SAMD7: variants seen among roughly 807,000 people sequenced by gnomAD.
SAMD7 encodes sterile alpha motif domain containing 7, also known as sterile alpha motif domain-containing protein 7.
A neutral mutation model predicts 36.7 loss-of-function variants in SAMD7; 34 were observed. That is an observed-to-expected ratio of 0.93 (90% confidence interval 0.71 to 1.23). The LOEUF (loss-of-function observed/expected upper bound fraction) is 1.23, where lower values mean the gene tolerates loss of function less well. SAMD7 is among the 50% of genes most tolerant of loss of function. SAMD7 has a pLI of 0.00. For missense variants in SAMD7, 570 were observed against 546.6 expected, an observed-to-expected ratio of 1.04 and a Z score of -0.43; for synonymous variants, 188 against 189.7, an observed-to-expected ratio of 0.99 and a Z score of 0.07.
At chr3:169,918,414 T>C (rs898042775) in intron 2 of SAMD7, among the ~76,000 whole-genome samples, 9 of 152,240 alleles carry the variant, frequency 5.9e-5, no homozygotes, top group African/African-American at 2.2e-4. Context: ...TTCTACTCTC[T>C]GTCTCAGAGT....
At chr3:169,934,196 G>T (rs769036021) in intron 7 of SAMD7, among the ~76,000 whole-genome samples, 1 of 152,162 alleles carries the variant, frequency 6.6e-6, no homozygotes, top group African/African-American at 2.4e-5. Context: ...GGCATGGTTA[G>T]CTTTATATTG....
Position 169,927,194 on chromosome 3 carries a change from G to A in SAMD7, c.919+13G>A. On this transcript the variant is annotated intron_variant, in intron 6 of 8. Coordinates refer to ENST00000335556, the MANE Select transcript of SAMD7 (RefSeq NM_001304366.2). The stretch of plus-strand genomic sequence containing the variant: ...CCATCTCTGCCAGGTGGGTGTCCAG[G>A]GGCCAATGGCAGATCCTCATTAACT... The A allele has an allele frequency of 6.6e-7, 1 of 1,517,656 alleles. No homozygotes were observed. The highest frequency in any genetic ancestry group is 2.3e-5 in the East Asian group (1 of 44,162). The allele number at this position is 1,517,656 out of a possible 1,614,324, so 94.0% of individuals were successfully genotyped here.
intron 4 of SAMD7, among the ~76,000 whole-genome samples, chr3:169,924,586 C>CA (rs1414834362): frequency 1.3e-5 from 2 of 149,922 alleles, no homozygotes; most frequent in Non-Finnish European, 3.0e-5. Flanking sequence ...GACTCTGTCT[C>CA]AAAAAAAAGG....
intron 1 of SAMD7, among the ~76,000 whole-genome samples, chr3:169,914,964 C>A (rs1712736149): frequency 6.6e-6 from 1 of 152,204 alleles, no homozygotes; most frequent in South Asian, 2.1e-4. Flanking sequence ...TCTTCTTGGC[C>A]TCCTTCTGAA....
chr3:169,924,002 C>T (rs1384769957), intron 4 of SAMD7, among the ~76,000 whole-genome samples: 1 of 152,158 alleles, frequency 6.6e-6, no homozygotes, highest in Non-Finnish European at 1.5e-5. Context: ...GTATTGTGCT[C>T]TCTAGACTGG....
chr3:169,916,855 T>C (rs1290622961), intron 2 of SAMD7, among the ~76,000 whole-genome samples: 2 of 152,158 alleles, frequency 1.3e-5, no homozygotes, highest in Non-Finnish European at 2.9e-5. Flanking sequence ...GTGCACCGAA[T>C]CCCATGAGGA....
chr3:169,913,272 G>A (rs1205389433), intron 1 of SAMD7, among the ~76,000 whole-genome samples: 1 of 152,056 alleles, frequency 6.6e-6, no homozygotes, highest in African/African-American at 2.4e-5. Flanking sequence ...CATACGATTA[G>A]TCAAATATAG....
rs369586737 is a variant in SAMD7 at position 169,938,279 on chromosome 3, T to A, written c.1153-39T>A. The A allele has an allele frequency of 4.7e-5, 66 of 1,411,742 alleles. 2 individuals are homozygous for A. Among genetic ancestry groups the A allele is most frequent in the South Asian group, 3.1e-4 (24 of 78,438 alleles). The allele number at this position is 1,411,742 out of a possible 1,614,324, so 87.5% of individuals were successfully genotyped here. ...TTTAATGCTGAGTTAATGAAAAAAA[T>A]TCATAGAATTGATTACTATAATTAT... On this transcript the variant is annotated intron_variant, in intron 8 of 8. Coordinates refer to ENST00000335556, the MANE Select transcript of SAMD7 (RefSeq NM_001304366.2).
rs771277787 is a variant in SAMD7, at chr3:169,919,597, A to G, written c.86+13A>G. On this transcript the variant is annotated intron_variant, in intron 3 of 8. Coordinates refer to ENST00000335556, the MANE Select transcript of SAMD7 (RefSeq NM_001304366.2). ...CAACTGTGGACAGGTATTTCTCTTC[A>G]ATATAATAGTTTGATCAAAGAACAA... 6.4e-7 allele frequency: 1 copy of G among 1,571,578 alleles called. No individual in the cohort carries two copies.
chr3:169,926,758 C>G lies in SAMD7; in HGVS notation c.496C>G (p.Leu166Val). Residue 166 changes from leucine to valine, a missense_variant, in exon 6 of 9, where the codon CTA (leucine) becomes GTA (valine). Coordinates refer to ENST00000335556, the MANE Select transcript of SAMD7 (RefSeq NM_001304366.2). ...CAGAAACCTTCAGGGAAACCCCATGCTAGCGGCAACTGCACCACACTTTGA... is the reference window on the plus strand; with the variant it reads ...CAGAAACCTTCAGGGAAACCCCATGGTAGCGGCAACTGCACCACACTTTGA... Reference protein sequence around the residue: ...TLRNLQGNPMLAATAPHFEES... With the variant: ...TLRNLQGNPMVAATAPHFEES... 6.2e-7 allele frequency: 1 copy of G among 1,613,950 alleles called. No homozygotes were observed. Among genetic ancestry groups the G allele is most frequent in the Non-Finnish European group, 8.5e-7 (1 of 1,179,990 alleles).
chr3:169,925,520 T>C (rs559817227), intron 5 of SAMD7, among the ~76,000 whole-genome samples: 2 of 121,398 alleles, frequency 1.6e-5, no homozygotes, highest in Non-Finnish European at 4.0e-5. Flanking sequence ...AGGTCAGGAG[T>C]TCAAGACCAG....
intron 1 of SAMD7, among the ~76,000 whole-genome samples, chr3:169,914,845 C>A (rs968561965): frequency 2.6e-5 from 4 of 152,118 alleles, no homozygotes; most frequent in Admixed American, 1.3e-4. Flanking sequence ...GCCTGGCAAA[C>A]CTGGTATTTC....
At chr3:169,932,574 C>A in intron 7 of SAMD7, 1 of 526,892 alleles carries the variant, frequency 1.9e-6, no homozygotes, top group Non-Finnish European at 3.7e-6. Flanking sequence ...CCCTTCCTAA[C>A]TGTAGGACAC....
At chr3:169,932,400 T>C (rs1713533474) in intron 7 of SAMD7, 2 of 636,576 alleles carry the variant, frequency 3.1e-6, no homozygotes, top group Admixed American at 3.7e-5. Context: ...GCCGAGACTA[T>C]GTAGTGGAAG....
chr3:169,927,000 A>G lies in SAMD7; in HGVS notation c.738A>G (p.Thr246=). 4 of 1,613,942 alleles carry G rather than the reference A, an allele frequency of 2.5e-6. No homozygotes were observed. In the South Asian group the frequency reaches 4.4e-5, roughly 18 times the overall value. ...KSSETNEKPT[T]ALANTCGELE... Reference sequence around the variant, plus strand: ...GTGAAACGAATGAAAAGCCAACGACAGCTCTTGCCAACACCTGTGGAGAGC... The same window carrying G: ...GTGAAACGAATGAAAAGCCAACGACGGCTCTTGCCAACACCTGTGGAGAGC... The change falls in exon 6 of 9, where the codon ACA becomes ACG. Residue 246 remains threonine, a synonymous_variant. Coordinates refer to ENST00000335556, the MANE Select transcript of SAMD7 (RefSeq NM_001304366.2).
chr3:169,926,821 A>C lies in SAMD7; in HGVS notation c.559A>C (p.Asn187His). Residue 187 changes from asparagine (N) to histidine (H), a missense_variant, in exon 6 of 9, where the codon AAT becomes CAT. Transcript: ENST00000335556. ...WGQRCRRLRKNTGNQKALDSD... is the reference protein window; with the variant it reads ...WGQRCRRLRKHTGNQKALDSD... ...GCAGAGATGTCGTCGACTCAGGAAA[A>C]ATACAGGGAATCAAAAAGCTCTAGA... 1.2e-6 allele frequency: 2 copies of C among 1,613,880 alleles called. No individual in the cohort carries two copies. Among genetic ancestry groups the C allele is most frequent in the South Asian group, 2.2e-5 (2 of 91,074 alleles).
At chr3:169,928,386 T>C in intron 6 of SAMD7, 71 bp from the exon 7 acceptor site, 2 of 1,359,764 alleles carry the variant, frequency 1.5e-6, no homozygotes, top group South Asian at 2.4e-5. Context: ...GGTGATAGAA[T>C]ATAAGGAAAT....
At chr3:169,914,310 A>G (rs1435533535) in intron 1 of SAMD7, among the ~76,000 whole-genome samples, 1 of 152,262 alleles carries the variant, frequency 6.6e-6, no homozygotes, top group Non-Finnish European at 1.5e-5. Context: ...TATGTGCATG[A>G]AAACAGGCAC....
At chr3:169,936,303 A>G in intron 7 of SAMD7, 36 bp from the exon 8 acceptor site, 1 of 1,327,858 alleles carries the variant, frequency 7.5e-7, no homozygotes, top group African/African-American at 1.5e-5. Context: ...AAAAAAAGAC[A>G]TTCAGACAGA....
Sources: gnomAD v4.1 joint callset for allele counts (sites outside exome capture counted in the v4.1 genomes callset) on GRCh38, gnomAD v4.1.1 for gene constraint, MANE v1.5 for transcripts, NCBI Gene and HGNC (gene_info 2026-07-23, HGNC 2026-07-21) for gene names.